The following EFCAB6 variants were observed in gnomAD, a reference collection of about 807,000 sequenced individuals.
EFCAB6 encodes the protein EF-hand calcium binding domain 6, also known as EF-hand calcium-binding domain-containing protein 6.
EFCAB6 carries 156 observed loss-of-function variants against 169.8 expected under a neutral mutation model. The ratio of observed to expected loss-of-function variants is 0.92; its 90% CI spans 0.81 to 1.05. EFCAB6 has a LOEUF of 1.05. EFCAB6 is among the 50% of genes least tolerant of loss of function. The pLI is 0.00. For synonymous variants in EFCAB6, 698 were observed against 676.4 expected, an observed-to-expected ratio of 1.03 and a Z score of -0.50; for missense variants, 1,800 against 1,829.1, an observed-to-expected ratio of 0.98 and a Z score of 0.29.
At chr22:43,735,820 T>C (rs778403328) in intron 7 of EFCAB6, 37 bp downstream of exon 7, 48 of 1,606,960 alleles carry the variant, frequency 3.0e-5, no homozygotes, top group Non-Finnish European at 3.7e-5. Context: ...TTAAAAGTTC[T>C]ACTGAGCAAT....
chr22:43,742,595 G>A (rs538993565), intron 6 of EFCAB6, among the ~76,000 whole-genome samples: 1 of 152,334 alleles, frequency 6.6e-6, no homozygotes, highest in East Asian at 1.9e-4. Flanking sequence ...CAGGAAATGG[G>A]CCTGCATGGT....
intron 2 of EFCAB6, among the ~76,000 whole-genome samples, chr22:43,784,589 ATGTATATATACACATATATATG>A (rs1569487546): frequency 5.0e-5 from 2 of 40,210 alleles, no homozygotes; most frequent in African/African-American, 7.1e-5. Context: ...ACACATATAT[ATGTATATATACACATATATATG>A]TGTATATATA....
intron 23 of EFCAB6, among the ~76,000 whole-genome samples, chr22:43,593,317 G>T (rs531113301): frequency 6.6e-6 from 1 of 152,134 alleles, no homozygotes; most frequent in East Asian, 1.9e-4. Flanking sequence ...CTTGCAGCTC[G>T]CAGTTCTTTT....
chr22:43,642,202 A>G (rs919171202), intron 17 of EFCAB6, among the ~76,000 whole-genome samples: 2 of 152,128 alleles, frequency 1.3e-5, no homozygotes, highest in African/African-American at 2.4e-5. Flanking sequence ...CGCCCTCCCA[A>G]AGTGCTGGGA....
intron 29 of EFCAB6, chr22:43,536,618 T>A (rs2047398174): frequency 6.6e-6 from 1 of 152,122 alleles, no homozygotes; most frequent in Admixed American, 6.5e-5. Context: ...GGTGGGCAGA[T>A]CTCTTGAGAT....
intron 23 of EFCAB6, among the ~76,000 whole-genome samples, chr22:43,599,007 T>C (rs561967864): frequency 2.6e-5 from 4 of 152,288 alleles, no homozygotes; most frequent in African/African-American, 9.6e-5. Flanking sequence ...TCCAGTGGGG[T>C]ACCTTCTGCA....
chr22:43,761,509 T>A (rs990525160), intron 5 of EFCAB6, among the ~76,000 whole-genome samples: 3 of 152,218 alleles, frequency 2.0e-5, no homozygotes, highest in Non-Finnish European at 2.9e-5. Flanking sequence ...ACAATCAGAT[T>A]TTTCAGAAGT....
intron 17 of EFCAB6, among the ~76,000 whole-genome samples, chr22:43,663,893 A>T (rs983114954): frequency 6.6e-6 from 1 of 152,188 alleles, no homozygotes; most frequent in African/African-American, 2.4e-5. Context: ...CGGAATTGTG[A>T]GAGAGTAATT....
intron 22 of EFCAB6, among the ~76,000 whole-genome samples, chr22:43,607,156 C>T (rs1044636975): frequency 1.3e-5 from 2 of 152,332 alleles, no homozygotes; most frequent in Non-Finnish European, 1.5e-5. Context: ...CCCTACCCTT[C>T]CTTTCTGACC....
At chr22:43,593,066 T>TAAAA (rs56287650) in intron 23 of EFCAB6, among the ~76,000 whole-genome samples, 1 of 145,022 alleles carries the variant, frequency 6.9e-6, no homozygotes, top group African/African-American at 2.5e-5. Context: ...GAGGAGGAGG[T>TAAAA]AAAAAAAAAA....
Position 43,765,386 on chromosome 22 carries a change from A to T in EFCAB6, c.359T>A (p.Leu120His). 1 of 1,611,436 alleles carries T rather than the reference A, an allele frequency of 6.2e-7. No individual in the cohort carries two copies. The highest frequency in any genetic ancestry group is 8.5e-7 in the Non-Finnish European group (1 of 1,178,184). ...QFQDVLAQIP[L>H]STSGTVPYLA... ...GTACGGTACAGTACCAGAGGTGCTA[A>T]GGGGGATCTACAGTCAAGGGAGAAG... Residue 120 changes from leucine (L) to histidine (H), a missense_variant, in exon 5 of 32, where the codon CTT (leucine) becomes CAT (histidine). Coordinates refer to ENST00000262726, the MANE Select transcript of EFCAB6 (RefSeq NM_022785.4).
chr22:43,560,948 G>A (rs2048991068), intron 26 of EFCAB6, among the ~76,000 whole-genome samples: 1 of 152,222 alleles, frequency 6.6e-6, no homozygotes, highest in Non-Finnish European at 1.5e-5. Context: ...CTGCGTGGCG[G>A]CGTGGGGAAG....
intron 19 of EFCAB6, among the ~76,000 whole-genome samples, chr22:43,627,676 G>T (rs894112949): frequency 6.6e-6 from 1 of 152,074 alleles, no homozygotes; most frequent in Non-Finnish European, 1.5e-5. Flanking sequence ...AACCCGCCTC[G>T]TTCCATCGGC....
At chr22:43,606,283 T>C (rs1356140336) in intron 22 of EFCAB6, among the ~76,000 whole-genome samples, 3 of 152,246 alleles carry the variant, frequency 2.0e-5, no homozygotes, top group East Asian at 1.9e-4. Context: ...CAGCACTTAA[T>C]TACCAAGACT....
At chr22:43,602,239 C>T (rs1332002485) in intron 22 of EFCAB6, among the ~76,000 whole-genome samples, 1 of 152,156 alleles carries the variant, frequency 6.6e-6, no homozygotes, top group Non-Finnish European at 1.5e-5. Context: ...ATGAGGATGG[C>T]CTTAATTTTG....
intron 17 of EFCAB6, among the ~76,000 whole-genome samples, chr22:43,644,252 T>C (rs1602893901): frequency 6.6e-6 from 1 of 152,008 alleles, no homozygotes; most frequent in Admixed American, 6.6e-5. Flanking sequence ...TGCACAGGCT[T>C]AGCACGTTCC....
At chr22:43,635,343 C>T in intron 17 of EFCAB6, 127 bp from the exon 18 acceptor site, 1 of 699,104 alleles carries the variant, frequency 1.4e-6, no homozygotes, top group Non-Finnish European at 2.5e-6. Flanking sequence ...TGACCCCACC[C>T]ACAGGCTGCC....
chr22:43,566,499 G>A (rs1385987535), intron 26 of EFCAB6, among the ~76,000 whole-genome samples: 1 of 152,178 alleles, frequency 6.6e-6, no homozygotes, highest in Non-Finnish European at 1.5e-5. Flanking sequence ...TGGGGAACAG[G>A]GAATCTTCTC....
At chr22:43,562,430 T>C (rs1158643413) in intron 26 of EFCAB6, among the ~76,000 whole-genome samples, 1 of 151,412 alleles carries the variant, frequency 6.6e-6, no homozygotes, top group Non-Finnish European at 1.5e-5. Context: ...CTTCAGAATC[T>C]AAACCCCTGG....
Sources: allele counts gnomAD v4.1 joint callset (sites outside exome capture counted in the v4.1 genomes callset), GRCh38; gene constraint gnomAD v4.1.1; transcripts MANE v1.5; gene names NCBI Gene and HGNC (gene_info 2026-07-23, HGNC 2026-07-21).